Variants in ZBTB20 observed in about 807,000 individuals in gnomAD.
ZBTB20 encodes zinc finger and BTB domain containing 20, also known as zinc finger and BTB domain-containing protein 20.
In ZBTB20, 9 loss-of-function variants were observed where a neutral mutation model predicts 56.9. That is an observed-to-expected ratio of 0.16 (90% CI 0.10 to 0.28). The LOEUF (loss-of-function observed/expected upper bound fraction) is 0.28. Ranked by LOEUF, ZBTB20 falls within the 10% of genes least tolerant of loss-of-function variation. The pLI, the probability that ZBTB20 is intolerant of heterozygous loss-of-function variation, is 1.00. For synonymous variants in ZBTB20, 417 were observed against 420.7 expected (o/e 0.99, Z 0.11); for missense variants, 655 against 1,003.0 (o/e 0.65, Z 4.69).
intron 3 of ZBTB20, among the ~76,000 whole-genome samples, chr3:114,932,435 C>A (rs572244267): frequency 6.6e-6 from 1 of 152,330 alleles, no homozygotes; most frequent in East Asian, 1.9e-4. Context: ...TTCCTACCAG[C>A]CTTCTCACCC....
chr3:114,950,185 A>G (rs1156841189), intron 3 of ZBTB20, among the ~76,000 whole-genome samples: 1 of 152,178 alleles, frequency 6.6e-6, no homozygotes, highest in African/African-American at 2.4e-5. Flanking sequence ...CCCTTAGTGA[A>G]TACCTGAAAC....
At chr3:114,694,464 T>C (rs923301519) in intron 5 of ZBTB20, among the ~76,000 whole-genome samples, 6 of 152,062 alleles carry the variant, frequency 3.9e-5, no homozygotes, top group Non-Finnish European at 5.9e-5. Context: ...ATGGCCAGCA[T>C]GATTACTTTA....
chr3:114,870,475 G>A (rs143176034), intron 4 of ZBTB20, among the ~76,000 whole-genome samples: 1,710 of 150,864 alleles, frequency 0.011, 17 homozygotes, highest in Non-Finnish European at 0.016. Flanking sequence ...TACTTAATAC[G>A]AAGAACAAGT....
rs1576168728 is a variant in ZBTB20, at chr3:114,320,519, T to C, written c.*18486A>G. 6.6e-6 allele frequency: 1 copy of C among 152,168 alleles called. No individual in the cohort carries two copies. 9.4% of individuals were successfully genotyped at this position (152,168 alleles called of 1,614,324 possible). On this transcript the variant is annotated 3_prime_UTR_variant, in exon 12 of 12. Transcript: ENST00000675478. ...AGCCAAGATTACATAATTCCAACTA[T>C]GGTATGATTGGCAAGCACTGGTTAA...
chr3:114,640,017 T>C (rs1378372247), intron 6 of ZBTB20, among the ~76,000 whole-genome samples: 2 of 152,114 alleles, frequency 1.3e-5, no homozygotes, highest in Non-Finnish European at 1.5e-5. Flanking sequence ...GTTTAATTTT[T>C]TTTTATCAAT....
chr3:114,739,267 T>A (rs1276216884), intron 5 of ZBTB20, among the ~76,000 whole-genome samples: 1 of 152,188 alleles, frequency 6.6e-6, no homozygotes, highest in Non-Finnish European at 1.5e-5. Context: ...GTTTGAGAAC[T>A]ACAGTCTTAA....
chr3:114,496,091 A>G (rs2043255958), intron 7 of ZBTB20, among the ~76,000 whole-genome samples: 2 of 152,176 alleles, frequency 1.3e-5, no homozygotes, highest in African/African-American at 2.4e-5. Flanking sequence ...GTTTCCACAG[A>G]GATGTGACTG....
intron 11 of ZBTB20, among the ~76,000 whole-genome samples, chr3:114,342,524 C>A (rs2079861486): frequency 6.6e-6 from 1 of 152,174 alleles, no homozygotes; most frequent in African/African-American, 2.4e-5. Flanking sequence ...GATATGAATT[C>A]CATTTCCTTG....
At chr3:114,617,813 G>C (rs1239424938) in intron 6 of ZBTB20, among the ~76,000 whole-genome samples, 1 of 152,112 alleles carries the variant, frequency 6.6e-6, no homozygotes, top group African/African-American at 2.4e-5. Context: ...CTTTTGCTTA[G>C]ATATCCACAA....
intron 4 of ZBTB20, among the ~76,000 whole-genome samples, chr3:114,845,342 T>A (rs2074642999): frequency 6.8e-6 from 1 of 147,968 alleles, no homozygotes; most frequent in Non-Finnish European, 1.5e-5. Flanking sequence ...TTTTTTGTTA[T>A]CTGATCTAGT....
At chr3:114,983,674 T>C (rs1272353414) in intron 2 of ZBTB20, among the ~76,000 whole-genome samples, 2 of 152,054 alleles carry the variant, frequency 1.3e-5, no homozygotes, top group African/African-American at 4.8e-5. Flanking sequence ...TTTGCCTATC[T>C]GTGATATAAA....
intron 2 of ZBTB20, among the ~76,000 whole-genome samples, chr3:114,998,847 G>C (rs910309591): frequency 1.3e-5 from 2 of 151,576 alleles, no homozygotes; most frequent in Non-Finnish European, 2.9e-5. Context: ...TTTGGTATTG[G>C]AGTCTGAGGT....
In ZBTB20 at chr3:114,316,467, T is replaced by C. The variant is rs758016829; in HGVS notation, c.*22538A>G. 2.0e-6 allele frequency: 1 copy of C among 497,182 alleles called. No homozygotes were observed. Among genetic ancestry groups the C allele is most frequent in the South Asian group, 1.5e-5 (1 of 67,044 alleles). The allele number at this position is 497,182 out of a possible 1,614,324, so 30.8% of individuals were successfully genotyped here. A position where few individuals can be genotyped will look rare whatever the true frequency, so the allele number is the denominator to read the frequency against. On this transcript the variant is annotated 3_prime_UTR_variant, in exon 12 of 12. Coordinates refer to ENST00000675478, the MANE Select transcript of ZBTB20 (RefSeq NM_001348800.3). ...TGATTTTGTTATGTGCATGTGTGTATATATGCACATATACACACCTATACA... is the reference window on the plus strand; with the variant it reads ...TGATTTTGTTATGTGCATGTGTGTACATATGCACATATACACACCTATACA...
chr3:114,784,897 T>G (rs1313400840), intron 5 of ZBTB20, among the ~76,000 whole-genome samples: 1 of 152,206 alleles, frequency 6.6e-6, no homozygotes, highest in Non-Finnish European at 1.5e-5. Flanking sequence ...ACTGGAGTAC[T>G]AACCATGTGC....
chr3:114,634,839 A>G (rs2059166830), intron 6 of ZBTB20, among the ~76,000 whole-genome samples: 1 of 152,184 alleles, frequency 6.6e-6, no homozygotes, highest in South Asian at 2.1e-4. Flanking sequence ...CCTCTCAGAG[A>G]ACCCTCTGTT....
chr3:114,768,378 C>A, intron 5 of ZBTB20, among the ~76,000 whole-genome samples: 1 of 151,886 alleles, frequency 6.6e-6, no homozygotes, highest in Non-Finnish European at 1.5e-5. Context: ...CTACATTACT[C>A]CCTGTTAACT....
chr3:114,451,263 C>CA (rs1456570864), intron 7 of ZBTB20, among the ~76,000 whole-genome samples: 1 of 150,912 alleles, frequency 6.6e-6, no homozygotes, highest in African/African-American at 2.4e-5. Flanking sequence ...ACTAGGAGTG[C>CA]AAATTTGAAG....
At chr3:114,535,150 C>T (rs1048725319) in intron 6 of ZBTB20, among the ~76,000 whole-genome samples, 1 of 151,938 alleles carries the variant, frequency 6.6e-6, no homozygotes, top group Admixed American at 6.5e-5. Context: ...CAGAGCAGAA[C>T]TGAAGGAGAT....
intron 5 of ZBTB20, among the ~76,000 whole-genome samples, chr3:114,738,694 A>G (rs2066363393): frequency 6.6e-6 from 1 of 152,206 alleles, no homozygotes; most frequent in South Asian, 2.1e-4. Context: ...CAAAATTTGT[A>G]AAAGACTCCC....
Sources: gnomAD v4.1 joint callset for allele counts (sites outside exome capture counted in the v4.1 genomes callset) on GRCh38, gnomAD v4.1.1 for gene constraint, MANE v1.5 for transcripts, NCBI Gene and HGNC (gene_info 2026-07-23, HGNC 2026-07-21) for gene names.